The following ANKDD1B variants were observed in gnomAD, a reference collection of about 807,000 sequenced individuals.
ANKDD1B encodes the protein ankyrin repeat and death domain containing 1B, also known as ankyrin repeat and death domain-containing protein 1B.
Under a neutral mutation model 59.7 loss-of-function variants are expected in ANKDD1B, and 57 were observed. The ratio of observed to expected loss-of-function variants is 0.95; its 90% confidence interval spans 0.77 to 1.19. The LOEUF is 1.19. ANKDD1B is among the 50% of genes most tolerant of loss of function. The pLI, the probability that ANKDD1B is intolerant of heterozygous loss-of-function variation, is 0.00. For synonymous variants in ANKDD1B, 216 were observed against 239.5 expected (o/e 0.90, Z 0.91); for missense variants, 602 against 641.9 (o/e 0.94, Z 0.67).
At chr5:75,668,035 T>C (rs1708484970) in intron 12 of ANKDD1B, among the ~76,000 whole-genome samples, 1 of 152,238 alleles carries the variant, frequency 6.6e-6, no homozygotes, top group African/African-American at 2.4e-5. Context: ...TTTTTGTCAT[T>C]AATTAGGCTT....
chr5:75,616,717 T>C, intron 1 of ANKDD1B, 87 bp from the exon 2 acceptor site: 1 of 542,264 alleles, frequency 1.8e-6, no homozygotes, highest in Non-Finnish European at 3.2e-6. Context: ...GACTCAAAGC[T>C]GTTGTTACAA....
rs1403790751 is a variant in ANKDD1B, at chr5:75,653,139, C to T, written c.799-3C>T. ...TCCTTGCCCTCTCTATTGTCTCTTG[C>T]AGCTCAATATCAGTAGTTTGCAGAT... On this transcript the variant is annotated splice_region_variant and splice_polypyrimidine_tract_variant and intron_variant, in intron 7 of 13. Coordinates refer to ENST00000601380, the MANE Select transcript of ANKDD1B (RefSeq NM_001276713.2). 5 of 1,532,076 alleles carry T rather than the reference C, an allele frequency of 3.3e-6. No individual in the cohort carries two copies. The Admixed American group carries it at 9.8e-5, about 30-fold the overall frequency. 94.9% of individuals were successfully genotyped at this position (1,532,076 alleles called of 1,614,324 possible). A position where few individuals can be genotyped will look rare whatever the true frequency, so the allele number is the denominator to read the frequency against.
At chr5:75,669,412 C>G (rs1775411712) in intron 13 of ANKDD1B, 29 bp downstream of exon 13, 4 of 1,231,630 alleles carry the variant, frequency 3.2e-6, no homozygotes, top group Non-Finnish European at 4.1e-6. Context: ...AACAGAAATT[C>G]TTTCTCCCTT....
At position 75,659,335 on chromosome 5, in the gene ANKDD1B, T is replaced by C. The variant is rs1252782416; in HGVS notation, c.1049T>C (p.Val350Ala). The C allele has an allele frequency of 9.8e-6, 15 of 1,536,072 alleles. No individual in the cohort carries two copies. Among genetic ancestry groups the C allele is most frequent in the African/African-American group, 5.5e-5 (4 of 73,150 alleles). The change falls in exon 10 of 14, where the codon GTG (valine) becomes GCG (alanine). Residue 350 changes from valine to alanine, a missense_variant. By Grantham distance (64) the Val-to-Ala change is moderately conservative. This residue lies in a region of ANKDD1B where 280 missense variants were observed against 319.8 expected (regional missense o/e 0.88). Transcript: ENST00000601380. ...GCTGATCGTGGAAATGTGGAACTGGTGGAAACCCTGCTGAAGGCAGGCTGT... is the reference window on the plus strand; with the variant it reads ...GCTGATCGTGGAAATGTGGAACTGGCGGAAACCCTGCTGAAGGCAGGCTGT... Reference protein sequence around the residue: ...VAADRGNVELVETLLKAGCDL... With the variant: ...VAADRGNVELAETLLKAGCDL...
At chr5:75,617,011 G>A in intron 2 of ANKDD1B, 104 bp downstream of exon 2, 2 of 566,348 alleles carry the variant, frequency 3.5e-6, no homozygotes, top group South Asian at 2.8e-5. Context: ...GGTGCTGGCT[G>A]AGATAAGGGA....
At chr5:75,670,930 G>A (rs1775461401) in intron 13 of ANKDD1B, 49 bp from the exon 14 acceptor site, 1 of 722,366 alleles carries the variant, frequency 1.4e-6, no homozygotes, top group South Asian at 7.2e-5. Flanking sequence ...TAGACAATCA[G>A]TGCTTTAAAA....
At chr5:75,633,939 G>T (rs146597700) in intron 5 of ANKDD1B, among the ~76,000 whole-genome samples, 1 of 152,292 alleles carries the variant, frequency 6.6e-6, no homozygotes, top group African/African-American at 2.4e-5. Flanking sequence ...TGGGAGCTAG[G>T]ATGCTCTTGG....
intron 10 of ANKDD1B, among the ~76,000 whole-genome samples, chr5:75,661,827 T>C (rs1447815926): frequency 1.3e-5 from 2 of 151,894 alleles, no homozygotes; most frequent in African/African-American, 2.4e-5. Flanking sequence ...CTTTTCAAGG[T>C]CTGGCACATA....
chr5:75,625,762 C>T lies in ANKDD1B; in HGVS notation c.495+17C>T. 1 of 1,534,216 alleles carries T rather than the reference C, an allele frequency of 6.5e-7. No homozygotes were observed. The highest frequency in any genetic ancestry group is 8.7e-7 in the Non-Finnish European group (1 of 1,145,002). ...AAGAATCAGGTAGGTATGTGGGTCACACCTGGACAAAAGCTCTTACCTCAC... is the reference window on the plus strand; with the variant it reads ...AAGAATCAGGTAGGTATGTGGGTCATACCTGGACAAAAGCTCTTACCTCAC... On this transcript the variant is annotated intron_variant, in intron 4 of 13. Coordinates refer to ENST00000601380, the MANE Select transcript of ANKDD1B (RefSeq NM_001276713.2).
At chr5:75,670,398 A>G (rs1412667967) in intron 13 of ANKDD1B, among the ~76,000 whole-genome samples, 1 of 152,336 alleles carries the variant, frequency 6.6e-6, no homozygotes, top group South Asian at 2.1e-4. Context: ...TAGCATTCCT[A>G]TATGTGATGT....
intron 9 of ANKDD1B, among the ~76,000 whole-genome samples, chr5:75,658,368 CA>C: frequency 6.6e-6 from 1 of 152,266 alleles, no homozygotes; most frequent in Non-Finnish European, 1.5e-5. Context: ...TAGATCACAT[CA>C]AAGGATCCTC....
intron 7 of ANKDD1B, among the ~76,000 whole-genome samples, chr5:75,649,598 A>G (rs1774772244): frequency 6.6e-6 from 1 of 152,008 alleles, no homozygotes; most frequent in African/African-American, 2.4e-5. Flanking sequence ...TCCTGCTTTG[A>G]GTTTCTTGTA....
At chr5:75,626,566 GA>G (rs1774001438) in intron 5 of ANKDD1B, among the ~76,000 whole-genome samples, 1 of 152,166 alleles carries the variant, frequency 6.6e-6, no homozygotes, top group South Asian at 2.1e-4. Context: ...CTATAAGGTA[GA>G]AAATATTTTG....
At position 75,666,689 on chromosome 5, in the gene ANKDD1B, G is replaced by A. The variant is rs10035878; in HGVS notation, c.1192-103G>A. ...CAGGAGGCATTGAAAACATAGTCTC[G>A]GTTACCACCTTACTAGTTATGTTTG... On this transcript the variant is annotated intron_variant, in intron 11 of 13. Coordinates refer to ENST00000601380, the MANE Select transcript of ANKDD1B (RefSeq NM_001276713.2). 7,744 of 818,172 alleles carry A rather than the reference G, an allele frequency of 9.5e-3. 91 individuals are homozygous for A. The highest frequency in any genetic ancestry group is 0.024 in the African/African-American group (1,395 of 57,778). 50.7% of individuals were successfully genotyped at this position (818,172 alleles called of 1,614,324 possible). A position where few individuals can be genotyped will look rare whatever the true frequency, so the allele number is the denominator to read the frequency against.
intron 12 of ANKDD1B, among the ~76,000 whole-genome samples, chr5:75,668,393 T>C (rs1775370147): frequency 6.6e-6 from 1 of 152,086 alleles, no homozygotes; most frequent in Non-Finnish European, 1.5e-5. Flanking sequence ...AGACTCATGA[T>C]GGTATTTAAG....
intron 5 of ANKDD1B, among the ~76,000 whole-genome samples, chr5:75,627,363 A>G (rs1774022013): frequency 6.6e-6 from 1 of 152,208 alleles, no homozygotes; most frequent in Non-Finnish European, 1.5e-5. Context: ...ATGTAAAAGT[A>G]CCTATGCAAA....
chr5:75,622,724 T>C (rs577066105), intron 3 of ANKDD1B, among the ~76,000 whole-genome samples: 5 of 152,222 alleles, frequency 3.3e-5, no homozygotes, highest in African/African-American at 7.2e-5. Flanking sequence ...TATTGAGCAA[T>C]GTACACTTTA....
intron 7 of ANKDD1B, among the ~76,000 whole-genome samples, chr5:75,651,821 A>T (rs1016014922): frequency 2.0e-5 from 3 of 152,238 alleles, no homozygotes; most frequent in African/African-American, 7.2e-5. Flanking sequence ...ACAAACATTT[A>T]TTTCTCATAG....
chr5:75,660,451 C>T (rs1775103381), intron 10 of ANKDD1B, among the ~76,000 whole-genome samples: 1 of 152,250 alleles, frequency 6.6e-6, no homozygotes, highest in Non-Finnish European at 1.5e-5. Flanking sequence ...AGCTAAATAA[C>T]ATTTCATTGT....
Sources: gnomAD v4.1 joint callset for allele counts (sites outside exome capture counted in the v4.1 genomes callset) on GRCh38, gnomAD v4.1.1 for gene constraint, gnomAD v4.1.1 regional missense constraint, MANE v1.5 for transcripts, NCBI Gene and HGNC (gene_info 2026-07-23, HGNC 2026-07-21) for gene names.